The following NTRK3 variants were observed in gnomAD, a reference collection of about 807,000 sequenced individuals.
NTRK3 encodes the protein NT-3 growth factor receptor.
In NTRK3, 24 loss-of-function variants were observed where a neutral mutation model predicts 91.7. The observed-to-expected ratio is 0.26, with a 90% CI of 0.19 to 0.37. NTRK3 has a LOEUF of 0.37. NTRK3 is among the 10% of genes least tolerant of loss of function. The pLI is 1.00. For synonymous variants in NTRK3, 483 were observed against 404.0 expected, an observed-to-expected ratio of 1.20 and a Z score of -2.34; for missense variants, 880 against 1,068.9, an observed-to-expected ratio of 0.82 and a Z score of 2.46.
chr15:88,052,613 A>AT (rs1269557108), intron 13 of NTRK3, among the ~76,000 whole-genome samples: 1 of 152,250 alleles, frequency 6.6e-6, no homozygotes, highest in Non-Finnish European at 1.5e-5. Context: ...GATGTAATTA[A>AT]TGCTGATTGT....
exon 19 of NTRK3, chr15:87,868,254 C>T (rs562309117): frequency 1.0e-4 from 23 of 229,290 alleles, no homozygotes; most frequent in Admixed American, 8.5e-4. Context: ...AGCACGAGCA[C>T]CTAGAATAAA....
chr15:88,095,798 G>A (rs149574573), intron 13 of NTRK3, among the ~76,000 whole-genome samples: 1 of 152,090 alleles, frequency 6.6e-6, no homozygotes, highest in Non-Finnish European at 1.5e-5. Context: ...GCCACAAGAA[G>A]TTGCAAAAAT....
At chr15:87,987,256 T>C (rs905464701) in intron 14 of NTRK3, among the ~76,000 whole-genome samples, 1 of 152,206 alleles carries the variant, frequency 6.6e-6, no homozygotes, top group Non-Finnish European at 1.5e-5. Flanking sequence ...TACCAACTCA[T>C]ATTTCTATAA....
chr15:88,016,623 T>G (rs192883813), intron 14 of NTRK3, among the ~76,000 whole-genome samples: 1 of 152,330 alleles, frequency 6.6e-6, no homozygotes, highest in Admixed American at 6.5e-5. Flanking sequence ...CCATTTACAT[T>G]CCAACACTGT....
chr15:88,157,581 C>T (rs146634343), intron 5 of NTRK3, among the ~76,000 whole-genome samples: 40 of 152,116 alleles, frequency 2.6e-4, no homozygotes, highest in African/African-American at 8.4e-4. Context: ...ATGCTTTTCT[C>T]GGTGTCAGCA....
At position 87,892,859 on chromosome 15, in the gene NTRK3, G is replaced by C. The variant is rs191132629; in HGVS notation, c.2134-12431C>G. Among the ~76,000 whole-genome samples the C allele has an allele frequency of 5.2e-3, 799 of 152,216 alleles. 2 individuals are homozygous for C. Among genetic ancestry groups the C allele is most frequent in the Non-Finnish European group, 8.6e-3 (587 of 68,010 alleles). ...AATGAAAATATAAATTCAAGGAACAGGAGCCATGTAAAACTGACTGTTTAA... is the reference window on the plus strand; with the variant it reads ...AATGAAAATATAAATTCAAGGAACACGAGCCATGTAAAACTGACTGTTTAA... On this transcript the variant is annotated intron_variant, in intron 17 of 18. Coordinates refer to ENST00000394480, the Ensembl canonical transcript of NTRK3.
intron 14 of NTRK3, among the ~76,000 whole-genome samples, chr15:87,992,814 A>C (rs2141514268): frequency 6.6e-6 from 1 of 152,154 alleles, no homozygotes; most frequent in Non-Finnish European, 1.5e-5. Flanking sequence ...CATGTTCTTA[A>C]CCCCCTCTAT....
In NTRK3 at chr15:88,137,610, C is replaced by G. The variant is rs781363923; in HGVS notation, c.465-49G>C. The G allele has an allele frequency of 6.9e-6, 11 of 1,599,808 alleles. No homozygotes were observed. The East Asian group carries it at 2.2e-4, about 33-fold the overall frequency. ...GGGAACCTCTGAACCGAAGATGGCC[C>G]AGGACCCTCCCAGGGCTATGAGGAC... On this transcript the variant is annotated intron_variant, in intron 6 of 18. Transcript: ENST00000394480.
chr15:87,904,312 G>A lies in NTRK3; in HGVS notation c.2134-23884C>T, dbSNP rs148984288. Among the ~76,000 whole-genome samples the A allele has an allele frequency of 2.4e-3, 366 of 151,776 alleles. 1 individual carries two copies. Among genetic ancestry groups the A allele is most frequent in the African/African-American group, 8.2e-3 (339 of 41,372 alleles). The stretch of plus-strand genomic sequence containing the variant: ...ATTACAGGCACATGCCACCACGCCC[G>A]GCTAATTTTTTTTTTATTTTATTTT... On this transcript the variant is annotated intron_variant, in intron 17 of 18. Coordinates refer to ENST00000394480, the Ensembl canonical transcript of NTRK3.
chr15:88,255,836 G>A lies in NTRK3; in HGVS notation c.248+70C>T, dbSNP rs2054000226. 3.6e-6 allele frequency: 5 copies of A among 1,394,302 alleles called. No homozygotes were observed. Among genetic ancestry groups the A allele is most frequent in the African/African-American group, 3.0e-5 (2 of 67,568 alleles). The allele number at this position is 1,394,302 out of a possible 1,614,324, so 86.4% of individuals were successfully genotyped here. A position where few individuals can be genotyped will look rare whatever the true frequency, so the allele number is the denominator to read the frequency against. ...TGGGGCGGGCGGAGGGCCGGCTCCC[G>A]GCCGCGGGTGGGCAGGAGGGAGACG... is the stretch of plus-strand genomic sequence containing the variant. On this transcript the variant is annotated intron_variant, in intron 3 of 18. Coordinates refer to ENST00000394480, the Ensembl canonical transcript of NTRK3. The surrounding 1 kb of genome is among the most constrained non-coding windows in gnomAD (Gnocchi z 4.3).
intron 15 of NTRK3, among the ~76,000 whole-genome samples, chr15:87,934,630 G>C (rs2069108738): frequency 6.6e-6 from 1 of 152,158 alleles, no homozygotes. Context: ...GCACACACCA[G>C]AAATGATGGA....
intron 17 of NTRK3, among the ~76,000 whole-genome samples, chr15:87,924,372 A>G (rs1178045277): frequency 6.6e-6 from 1 of 152,124 alleles, no homozygotes; most frequent in East Asian, 1.9e-4. Context: ...CTGTCTTTCT[A>G]GGAGTTTCTG....
exon 19 of NTRK3, chr15:87,862,892 C>A (rs2064564064): frequency 4.3e-6 from 1 of 231,034 alleles, no homozygotes; most frequent in Non-Finnish European, 8.6e-6. Flanking sequence ...GGGACCTTTT[C>A]TGTCCCCAAA....
intron 14 of NTRK3, among the ~76,000 whole-genome samples, chr15:87,945,825 A>C (rs1031611822): frequency 7.2e-5 from 11 of 151,834 alleles, no homozygotes; most frequent in Non-Finnish European, 1.0e-4. Context: ...AAAAAAAAAA[A>C]AAAACAGATC....
rs146662366 is a variant in NTRK3, at chr15:87,904,030, G to C, written c.2134-23602C>G. Among the ~76,000 whole-genome samples the C allele has an allele frequency of 1.3e-4, 20 of 152,332 alleles. No homozygotes were observed. The East Asian group carries it at 3.7e-3, about 28-fold the overall frequency. ...GTACCCTGGACATGGAAATAAACAGGTGTGTGTCCTTAGGTTCCTTAGAAA... is the reference window on the plus strand; with the variant it reads ...GTACCCTGGACATGGAAATAAACAGCTGTGTGTCCTTAGGTTCCTTAGAAA... On this transcript the variant is annotated intron_variant, in intron 17 of 18. Coordinates refer to ENST00000394480, the Ensembl canonical transcript of NTRK3.
At chr15:88,165,137 G>A (rs762497757) in intron 5 of NTRK3, among the ~76,000 whole-genome samples, 9 of 152,168 alleles carry the variant, frequency 5.9e-5, no homozygotes, top group African/African-American at 1.2e-4. Flanking sequence ...AGAAACAAGC[G>A]GGAACAGAAC....
chr15:87,931,055 C>G (rs1019714770), intron 16 of NTRK3: 1 of 353,966 alleles, frequency 2.8e-6, no homozygotes, highest in African/African-American at 2.2e-5. Context: ...TTCTTCTGTA[C>G]TCCTTTTTCT....
intron 14 of NTRK3, among the ~76,000 whole-genome samples, chr15:87,974,422 T>C (rs1426076532): frequency 6.6e-6 from 1 of 151,986 alleles, no homozygotes; most frequent in Non-Finnish European, 1.5e-5. Context: ...GACAAGGCCC[T>C]TTCTTCTACT....
chr15:88,032,749 T>C (rs2078665184), intron 14 of NTRK3, 108 bp downstream of exon 14: 2 of 1,238,732 alleles, frequency 1.6e-6, no homozygotes, highest in Non-Finnish European at 1.2e-6. Context: ...AAGTGGGAGG[T>C]TGGCAGGTAG....
Sources: allele counts gnomAD v4.1 joint callset (sites outside exome capture counted in the v4.1 genomes callset), GRCh38; gene constraint gnomAD v4.1.1; non-coding constraint Gnocchi (gnomAD v3.1); transcripts MANE v1.5; gene names NCBI Gene and HGNC (gene_info 2026-07-23, HGNC 2026-07-21).